The following ZNF385D variants were observed in gnomAD, a reference collection of about 807,000 sequenced individuals.
The protein encoded by ZNF385D is zinc finger protein 385D.
Under a neutral mutation model 35.8 loss-of-function variants are expected in ZNF385D, and 15 were observed. The observed-to-expected ratio is 0.42, with a 90% CI of 0.28 to 0.64. The LOEUF is 0.64. Among genes scored for constraint, ZNF385D ranks in the 30% least tolerant of loss-of-function variants. ZNF385D has a pLI of 0.23. For synonymous variants in ZNF385D, 212 were observed against 186.8 expected (o/e 1.13, Z -1.10); for missense variants, 474 against 494.6 (o/e 0.96, Z 0.39).
chr3:22,237,777 G>A (rs1338949429), intron 2 of ZNF385D, among the ~76,000 whole-genome samples: 1 of 152,058 alleles, frequency 6.6e-6, no homozygotes, highest in Non-Finnish European at 1.5e-5. Flanking sequence ...CTGAGAATCT[G>A]GGACTACAGG....
intron 3 of ZNF385D, among the ~76,000 whole-genome samples, chr3:21,976,063 G>A (rs1281660879): frequency 1.3e-5 from 2 of 152,104 alleles, no homozygotes; most frequent in African/African-American, 2.4e-5. Flanking sequence ...GACACCTTGA[G>A]GGATGCACCA....
rs181616132 is a variant in ZNF385D, at chr3:21,699,288, T to C, written c.23-34260A>G. Among the ~76,000 whole-genome samples, 1,491 of 151,572 alleles carry C rather than the reference T, an allele frequency of 9.8e-3. 52 individuals are homozygous for C. The highest frequency in any genetic ancestry group is 0.057 in the Admixed American group (861 of 15,216). ...TCACTCATAAGTGGGAGTTGAACAATGAGAACACATGGACACAGGGAGGGG... is the reference window on the plus strand; with the variant it reads ...TCACTCATAAGTGGGAGTTGAACAACGAGAACACATGGACACAGGGAGGGG... On this transcript the variant is annotated intron_variant, in intron 1 of 7. Transcript: ENST00000281523.
chr3:21,603,612 A>G (rs2064384979), intron 2 of ZNF385D, among the ~76,000 whole-genome samples: 1 of 152,200 alleles, frequency 6.6e-6, no homozygotes, highest in South Asian at 2.1e-4. Flanking sequence ...GTGCAGAACA[A>G]TATGTCTAAT....
At chr3:22,343,313 T>C (rs1208631880) in intron 2 of ZNF385D, among the ~76,000 whole-genome samples, 1 of 152,188 alleles carries the variant, frequency 6.6e-6, no homozygotes, top group Non-Finnish European at 1.5e-5. Flanking sequence ...ACGTTTCCAT[T>C]TCAGGGAATT....
chr3:21,717,360 A>T (rs2068364398), intron 1 of ZNF385D, among the ~76,000 whole-genome samples: 2 of 152,224 alleles, frequency 1.3e-5, no homozygotes, highest in Non-Finnish European at 2.9e-5. Flanking sequence ...TTAAATTTTC[A>T]AACTTACAGA....
rs574629244 is a variant in ZNF385D at position 22,014,871 on chromosome 3, A to T, written c.325+153946T>A. Among the ~76,000 whole-genome samples the T allele has an allele frequency of 1.5e-4, 23 of 152,278 alleles. 1 individual carries two copies. The South Asian group carries it at 3.3e-3, about 22-fold the overall frequency. ...TAAACTAATTTTGTACAAAATATTT[A>T]AAAATTCTGAAAGTAAAGATCATTT... On this transcript the variant is annotated intron_variant, in intron 3 of 5. Coordinates refer to the ZNF385D transcript ENST00000494108.
chr3:21,997,664 C>G (rs574146914), intron 3 of ZNF385D, among the ~76,000 whole-genome samples: 8 of 151,720 alleles, frequency 5.3e-5, no homozygotes, highest in Admixed American at 3.9e-4. Flanking sequence ...ATTTCTCTTT[C>G]ACATTTCTCT....
chr3:21,574,070 A>AG (rs1373025056), intron 2 of ZNF385D, among the ~76,000 whole-genome samples: 1 of 151,604 alleles, frequency 6.6e-6, no homozygotes, highest in African/African-American at 2.4e-5. Context: ...CAAAAAAAAA[A>AG]AAAAAGGAAG....
Position 21,621,187 on chromosome 3 carries a change from A to T in ZNF385D, c.165+43699T>A, listed in dbSNP as rs1047468457. On this transcript the variant is annotated intron_variant, in intron 2 of 7. Coordinates refer to ENST00000281523, the MANE Select transcript of ZNF385D (RefSeq NM_024697.3). Reference sequence around the variant, plus strand: ...TGGGTGGCTTTTTCCCCTAATAATTATGCATTTGCTTGCTGTCTAAGATTA... The same window carrying T: ...TGGGTGGCTTTTTCCCCTAATAATTTTGCATTTGCTTGCTGTCTAAGATTA... Among the ~76,000 whole-genome samples, 3 of 142,888 alleles carry T rather than the reference A, an allele frequency of 2.1e-5. No individual in the cohort carries two copies. The East Asian group carries it at 6.3e-4, about 30-fold the overall frequency. The allele number at this position is 142,888 out of a possible 152,430, so 93.7% of individuals were successfully genotyped here. A position where few individuals can be genotyped will look rare whatever the true frequency, so the allele number is the denominator to read the frequency against.
chr3:22,312,572 C>T (rs1206940358), intron 2 of ZNF385D, among the ~76,000 whole-genome samples: 1 of 151,794 alleles, frequency 6.6e-6, no homozygotes, highest in Non-Finnish European at 1.5e-5. Flanking sequence ...AACAAATAAC[C>T]CCATCAAAAA....
chr3:22,147,797 T>C (rs1055742703), intron 3 of ZNF385D, among the ~76,000 whole-genome samples: 4 of 152,144 alleles, frequency 2.6e-5, no homozygotes, highest in African/African-American at 7.2e-5. Context: ...GTCCCTAATT[T>C]TGCATTGGCC....
intron 3 of ZNF385D, among the ~76,000 whole-genome samples, chr3:22,153,462 TTC>T (rs374364517): frequency 0.018 from 2,147 of 117,426 alleles, 52 homozygotes; most frequent in African/African-American, 0.074. Flanking sequence ...CATGAAATTC[TTC>T]TTTTTTTTTT....
intron 3 of ZNF385D, among the ~76,000 whole-genome samples, chr3:21,531,421 G>A (rs896672784): frequency 2.6e-5 from 4 of 152,136 alleles, no homozygotes; most frequent in African/African-American, 9.7e-5. Flanking sequence ...ACTCAACGAG[G>A]TACAAACTTA....
chr3:22,127,316 G>GTTTTTTT (rs1559389409), intron 3 of ZNF385D, among the ~76,000 whole-genome samples: 4 of 76,050 alleles, frequency 5.3e-5, no homozygotes, highest in African/African-American at 2.1e-4. Context: ...TTCATTTCCT[G>GTTTTTTT]CTTTTTTTTT....
intron 2 of ZNF385D, among the ~76,000 whole-genome samples, chr3:22,172,859 G>A (rs577482695): frequency 6.6e-6 from 1 of 152,160 alleles, no homozygotes; most frequent in South Asian, 2.1e-4. Context: ...ATTCAAAGCG[G>A]GATAGGGCAC....
intron 2 of ZNF385D, among the ~76,000 whole-genome samples, chr3:21,620,542 T>C (rs548765273): frequency 1.5e-4 from 23 of 152,312 alleles, no homozygotes; most frequent in African/African-American, 5.5e-4. Context: ...ACTACCCATA[T>C]GCCAGGGCAT....
intron 3 of ZNF385D, among the ~76,000 whole-genome samples, chr3:21,789,846 C>T (rs545426132): frequency 6.6e-5 from 10 of 152,278 alleles, no homozygotes; most frequent in African/African-American, 2.4e-4. Flanking sequence ...TATTCTACAA[C>T]CTTTGTGTAT....
intron 3 of ZNF385D, among the ~76,000 whole-genome samples, chr3:22,001,005 T>A (rs1472224262): frequency 1.3e-5 from 2 of 151,210 alleles, no homozygotes; most frequent in African/African-American, 4.9e-5. Flanking sequence ...ACTAGTAAGA[T>A]TAAGGAATCA....
At chr3:22,180,352 A>G (rs1161757907) in intron 2 of ZNF385D, among the ~76,000 whole-genome samples, 1 of 152,228 alleles carries the variant, frequency 6.6e-6, no homozygotes, top group Non-Finnish European at 1.5e-5. Flanking sequence ...ATTCTAACAC[A>G]GGTACAAGGA....
Sources: gnomAD v4.1 joint callset for allele counts (sites outside exome capture counted in the v4.1 genomes callset) on GRCh38, gnomAD v4.1.1 for gene constraint, MANE v1.5 for transcripts, NCBI Gene and HGNC (gene_info 2026-07-23, HGNC 2026-07-21) for gene names.